Variants in CCHCR1 observed in about 807,000 individuals in gnomAD.
CCHCR1 encodes the protein coiled-coil alpha-helical rod protein 1, also known as HCR (a-helix coiled-coil rod homologue).
CCHCR1 carries 91 observed loss-of-function variants against 114.6 expected under a neutral mutation model. The observed-to-expected ratio is 0.79, with a 90% confidence interval of 0.67 to 0.94. The LOEUF (loss-of-function observed/expected upper bound fraction) is 0.94, where lower values mean the gene tolerates loss of function less well. Among genes scored for constraint, CCHCR1 ranks in the 40% least tolerant of loss-of-function variants. CCHCR1 has a pLI of 0.00. For missense variants in CCHCR1, 899 were observed against 1,079.9 expected (o/e 0.83, Z 2.35); for synonymous variants, 379 against 428.5 (o/e 0.88, Z 1.43).
chr6:31,153,414 A>G (rs1775534379), intron 4 of CCHCR1, among the ~76,000 whole-genome samples: 1 of 152,086 alleles, frequency 6.6e-6, no homozygotes, highest in Non-Finnish European at 1.5e-5. Flanking sequence ...AGCTATAAAT[A>G]TAGCTTTTTT....
chr6:31,153,913 A>G (rs537323714), intron 4 of CCHCR1, among the ~76,000 whole-genome samples: 79 of 152,328 alleles, frequency 5.2e-4, no homozygotes, highest in African/African-American at 1.9e-3. Flanking sequence ...AACTGGTTAC[A>G]GTGGCCTTCC....
chr6:31,148,716 G>T lies in CCHCR1; in HGVS notation c.1375C>A (p.Gln459Lys). 6.2e-7 allele frequency: 1 copy of T among 1,609,356 alleles called. No individual in the cohort carries two copies. The highest frequency in any genetic ancestry group is 8.5e-7 in the Non-Finnish European group (1 of 1,176,778). Residue 459 changes from glutamine to lysine, a missense_variant, in exon 9 of 18, where the codon CAG becomes AAG. Coordinates refer to ENST00000396268, the MANE Select transcript of CCHCR1 (RefSeq NM_001105564.2). ...KQLKGQVASL[Q>K]EKVTSQSQEQ... ...TGGCTCTGGGATGTCACTTTTTCCTGGAGTGAGGCCACCTGGGGGAGGAGA... is the reference window on the plus strand; with the variant it reads ...TGGCTCTGGGATGTCACTTTTTCCTTGAGTGAGGCCACCTGGGGGAGGAGA...
chr6:31,150,152 A>G lies in CCHCR1; in HGVS notation c.1276T>C (p.Trp426Arg), dbSNP rs1774997959. 1 of 1,614,194 alleles carries G rather than the reference A, an allele frequency of 6.2e-7. No individual in the cohort carries two copies. Among genetic ancestry groups the G allele is most frequent in the Non-Finnish European group, 8.5e-7 (1 of 1,180,030 alleles). Residue 426 changes from tryptophan to arginine, a missense_variant, in exon 8 of 18, where the codon TGG becomes CGG. By Grantham distance (101) the Trp-to-Arg change is moderately radical. Transcript: ENST00000396268. This position sits in a 1 kb window ranked among gnomAD's most constrained non-coding sequence, Gnocchi z 5.3. ...ATGAGGGCAAACACCTTCTCCCGCC[A>G]GCGGTTCAGCAGGGACTGGCACTTC... The part of the protein sequence containing the change: ...TRKCQSLLNR[W>R]REKVFALMVQ...
Position 31,142,699 on chromosome 6 carries a change from G to A in CCHCR1, c.2509C>T (p.Leu837Phe), listed in dbSNP as rs1318626772. 2 of 1,611,870 alleles carry A rather than the reference G, an allele frequency of 1.2e-6. No individual in the cohort carries two copies. The highest frequency in any genetic ancestry group is 1.7e-6 in the Non-Finnish European group (2 of 1,179,820). ...TCACTCAGGTCCTGCAGGTCATCGA[G>A]CAGGACAGAGAGGGACCCTGGGAAG... The part of the protein sequence containing the change: ...ESIKGSLSVL[L>F]DDLQDLSEAI... The change falls in exon 18 of 18, where the codon CTC (leucine) becomes TTC (phenylalanine). Residue 837 changes from leucine (L) to phenylalanine (F), a missense_variant. Leu to Phe is a conservative substitution (Grantham distance 22). Coordinates refer to ENST00000396268, the MANE Select transcript of CCHCR1 (RefSeq NM_001105564.2).
At chr6:31,152,281 C>CAAAA (rs9281230) in intron 4 of CCHCR1, among the ~76,000 whole-genome samples, 5 of 124,058 alleles carry the variant, frequency 4.0e-5, no homozygotes, top group Admixed American at 8.2e-5. Context: ...GACTCCATCT[C>CAAAA]AAAAAAAAAA....
chr6:31,146,065 A>G (rs3132538), intron 10 of CCHCR1, among the ~76,000 whole-genome samples: 128,886 of 152,222 alleles, frequency 0.85, 54,881 homozygotes, highest in Middle Eastern at 0.95. Flanking sequence ...ATCCTCTCTG[A>G]TCAGGGGCAG....
chr6:31,148,532 G>A (rs764017633), intron 9 of CCHCR1, 21 bp from the exon 10 acceptor site: 2 of 1,603,544 alleles, frequency 1.2e-6, no homozygotes, highest in Non-Finnish European at 1.7e-6. Flanking sequence ...TGCAGCAAAG[G>A]ACAGGGTCCC....
chr6:31,154,831 G>A lies in CCHCR1; in HGVS notation c.498-32C>T. The A allele has an allele frequency of 6.4e-7, 1 of 1,565,346 alleles. No individual in the cohort carries two copies. Among genetic ancestry groups the A allele is most frequent in the Non-Finnish European group, 8.6e-7 (1 of 1,157,778 alleles). On this transcript the variant is annotated intron_variant, in intron 3 of 17. Coordinates refer to ENST00000396268, the MANE Select transcript of CCHCR1 (RefSeq NM_001105564.2). This position sits in a 1 kb window ranked among gnomAD's most constrained non-coding sequence, Gnocchi z 4.1. The stretch of plus-strand genomic sequence containing the variant: ...AGACAGGTTAGTGCAGGTGAGACTT[G>A]TCTCCAGTGCTGGAAGGATAGTTGA...
chr6:31,151,094 T>C lies in CCHCR1; in HGVS notation c.830A>G (p.Glu277Gly). 1 of 1,612,966 alleles carries C rather than the reference T, an allele frequency of 6.2e-7. No individual in the cohort carries two copies. Among genetic ancestry groups the C allele is most frequent in the Non-Finnish European group, 8.5e-7 (1 of 1,180,006 alleles). ...QLSSLTQAHE[E>G]ALSSLTSKAE... is the part of the protein sequence containing the mutation. ...CTTGCTGGTCAAACTGGAAAGAGCC[T>C]CCTCGTGAGCCTGTGTCAAAGAGGA... The change falls in exon 5 of 18, where the codon GAG becomes GGG. Residue 277 changes from glutamate (E) to glycine (G), a missense_variant. Transcript: ENST00000396268. This position sits in a 1 kb window ranked among gnomAD's most constrained non-coding sequence, Gnocchi z 4.1.
rs1240477094 is a variant in CCHCR1, at chr6:31,144,379, G to A, written c.2167+308C>T. 7.4e-6 allele frequency: 2 copies of A among 270,682 alleles called. No homozygotes were observed. Among genetic ancestry groups the A allele is most frequent in the Non-Finnish European group, 1.4e-5 (2 of 145,364 alleles). The allele number at this position is 270,682 out of a possible 1,614,324, so 16.8% of individuals were successfully genotyped here. A position where few individuals can be genotyped will look rare whatever the true frequency, so the allele number is the denominator to read the frequency against. On this transcript the variant is annotated intron_variant, in intron 15 of 17. Transcript: ENST00000396268. The surrounding 1 kb of genome is among the most constrained non-coding windows in gnomAD (Gnocchi z 4.6). ...CTAGCTAATTTTTGTATTTTTAGTCGAGACAGGGTTTCGCCATGTTGTCCA... is the reference window on the plus strand; with the variant it reads ...CTAGCTAATTTTTGTATTTTTAGTCAAGACAGGGTTTCGCCATGTTGTCCA...
intron 4 of CCHCR1, among the ~76,000 whole-genome samples, chr6:31,153,898 A>C: frequency 6.6e-6 from 1 of 152,168 alleles, no homozygotes; most frequent in East Asian, 1.9e-4. Flanking sequence ...TTTCCTTGAC[A>C]TGTCAACTGG....
In CCHCR1 at chr6:31,142,732, G is replaced by A. The variant is rs1176200617; in HGVS notation, c.2492-16C>T. ...GAGAGGGACCCTGGGAAGGAAGACA[G>A]CAGATGAGCACCAGACAAGGGAAGG... is the stretch of plus-strand genomic sequence containing the variant. On this transcript the variant is annotated splice_polypyrimidine_tract_variant and intron_variant, in intron 17 of 17. Coordinates refer to ENST00000396268, the MANE Select transcript of CCHCR1 (RefSeq NM_001105564.2). The A allele has an allele frequency of 1.2e-6, 2 of 1,600,882 alleles. No homozygotes were observed. Among genetic ancestry groups the A allele is most frequent in the South Asian group, 1.1e-5 (1 of 90,838 alleles).
In CCHCR1 at chr6:31,157,334, G is replaced by A. The variant is rs1337219098; in HGVS notation, c.216+51C>T. The A allele has an allele frequency of 2.1e-6, 3 of 1,439,138 alleles. No homozygotes were observed. The African/African-American group carries it at 4.2e-5, about 20-fold the overall frequency. 89.1% of individuals were successfully genotyped at this position (1,439,138 alleles called of 1,614,324 possible). On this transcript the variant is annotated intron_variant, in intron 1 of 17. Transcript: ENST00000396268. ...ATTTACTGAAAGAGACAGACTGAGA[G>A]GGGCTCTGAGGCTTTACTCATACTT...
chr6:31,157,196 C>A, intron 1 of CCHCR1, 107 bp from the exon 2 acceptor site: 1 of 1,061,086 alleles, frequency 9.4e-7, no homozygotes, highest in South Asian at 1.3e-5. Context: ...ATAGCCAGGT[C>A]CACCCGATGC....
Position 31,151,532 on chromosome 6 carries a change from TC to T in CCHCR1, c.802-411del, listed in dbSNP as rs1417859833. On this transcript the variant is annotated intron_variant, in intron 4 of 17. Transcript: ENST00000396268. This position sits in a 1 kb window ranked among gnomAD's most constrained non-coding sequence, Gnocchi z 4.1. ...CTCACCCTGGAGGCTCTCCCACTGC[TC>T]CCCGCTCCGGCCACGGGGAGTCTGC... Among the ~76,000 whole-genome samples the T allele has an allele frequency of 6.6e-6, 1 of 151,912 alleles. No individual in the cohort carries two copies. The highest frequency in any genetic ancestry group is 1.5e-5 in the Non-Finnish European group (1 of 67,980).
intron 1 of CCHCR1, 34 bp downstream of exon 1, chr6:31,157,351 C>T: frequency 6.5e-7 from 1 of 1,540,394 alleles, no homozygotes; most frequent in Non-Finnish European, 9.0e-7. Flanking sequence ...TGAGGCTTTA[C>T]TCATACTTTC....
Position 31,154,818 on chromosome 6 carries a change from G to A in CCHCR1, c.498-19C>T, listed in dbSNP as rs1775760581. 6.3e-7 allele frequency: 1 copy of A among 1,584,434 alleles called. No homozygotes were observed. The highest frequency in any genetic ancestry group is 1.3e-5 in the African/African-American group (1 of 74,622). ...CCAGGACCTTCAAAGACAGGTTAGT[G>A]CAGGTGAGACTTGTCTCCAGTGCTG... On this transcript the variant is annotated intron_variant, in intron 3 of 17. Transcript: ENST00000396268. The surrounding 1 kb of genome is among the most constrained non-coding windows in gnomAD (Gnocchi z 4.1).
At position 31,143,641 on chromosome 6, in the gene CCHCR1, C is replaced by T. The variant is rs908934669; in HGVS notation, c.2168-228G>A. 2.0e-5 allele frequency among the ~76,000 whole-genome samples: 3 copies of T among 152,172 alleles called. No individual in the cohort carries two copies. Among genetic ancestry groups the T allele is most frequent in the African/African-American group, 7.2e-5 (3 of 41,432 alleles). On this transcript the variant is annotated intron_variant, in intron 15 of 17. Coordinates refer to ENST00000396268, the MANE Select transcript of CCHCR1 (RefSeq NM_001105564.2). This position sits in a 1 kb window ranked among gnomAD's most constrained non-coding sequence, Gnocchi z 5.3. ...TCATCCCTGAACCATCCTGGAGTTCCTCAGGGGAAATCTGAACATGAACTG... is the reference window on the plus strand; with the variant it reads ...TCATCCCTGAACCATCCTGGAGTTCTTCAGGGGAAATCTGAACATGAACTG...
intron 3 of CCHCR1, among the ~76,000 whole-genome samples, chr6:31,155,834 T>C (rs1775928157): frequency 6.6e-6 from 1 of 152,184 alleles, no homozygotes; most frequent in Admixed American, 6.5e-5. Context: ...CAGGCCTCAA[T>C]GCAGTGGCTG....
Sources: allele counts gnomAD v4.1 joint callset (sites outside exome capture counted in the v4.1 genomes callset), GRCh38; gene constraint gnomAD v4.1.1; non-coding constraint Gnocchi (gnomAD v3.1); transcripts MANE v1.5; gene names NCBI Gene and HGNC (gene_info 2026-07-23, HGNC 2026-07-21).